The following LSAMP variants were observed in gnomAD, a reference collection of about 807,000 sequenced individuals.
LSAMP encodes limbic system associated membrane protein, also known as limbic system-associated membrane protein.
A neutral mutation model predicts 38.6 loss-of-function variants in LSAMP; 7 were observed. That is an observed-to-expected ratio of 0.18 (90% CI 0.10 to 0.34). LSAMP has a LOEUF of 0.34. Ranked by LOEUF, LSAMP falls within the 10% of genes least tolerant of loss-of-function variation. LSAMP has a pLI of 1.00. For synonymous variants in LSAMP, 154 were observed against 166.8 expected (o/e 0.92, Z 0.59); for missense variants, 313 against 420.0 (o/e 0.75, Z 2.23).
At chr3:116,119,948 C>T (rs570543934) in intron 1 of LSAMP, among the ~76,000 whole-genome samples, 15 of 152,114 alleles carry the variant, frequency 9.9e-5, no homozygotes, top group South Asian at 8.3e-4. Flanking sequence ...TGTGAGCCAC[C>T]GTGCCTGGCC....
At chr3:116,355,411 G>A (rs1337829988) in intron 1 of LSAMP, among the ~76,000 whole-genome samples, 1 of 152,118 alleles carries the variant, frequency 6.6e-6, no homozygotes, top group East Asian at 1.9e-4. Context: ...CTTGACACCT[G>A]TCTCTCACCA....
intron 1 of LSAMP, among the ~76,000 whole-genome samples, chr3:116,124,758 A>G (rs1359196932): frequency 6.6e-6 from 1 of 152,224 alleles, no homozygotes; most frequent in Non-Finnish European, 1.5e-5. Context: ...CAGCAATCAG[A>G]TTGCTGTAGA....
At chr3:116,233,633 C>A (rs535739277) in intron 1 of LSAMP, among the ~76,000 whole-genome samples, 2 of 151,986 alleles carry the variant, frequency 1.3e-5, no homozygotes, top group East Asian at 3.9e-4. Flanking sequence ...CCCTACTTCC[C>A]TTTCCAGCCT....
chr3:116,432,127 C>CA (rs1340920660), intron 1 of LSAMP, among the ~76,000 whole-genome samples: 6 of 151,746 alleles, frequency 4.0e-5, no homozygotes, highest in Non-Finnish European at 8.8e-5. Context: ...TGTGATGCCT[C>CA]TTATATATCG....
chr3:116,277,374 G>GT (rs34545044), intron 1 of LSAMP, among the ~76,000 whole-genome samples: 13,393 of 144,834 alleles, frequency 0.092, 1,315 homozygotes, highest in African/African-American at 0.25. Flanking sequence ...CTCATCTTGT[G>GT]TTTTTTTTTT....
At chr3:116,372,570 T>C (rs1431257327) in intron 1 of LSAMP, among the ~76,000 whole-genome samples, 3 of 151,898 alleles carry the variant, frequency 2.0e-5, no homozygotes, top group Admixed American at 6.6e-5. Context: ...AAGTTGAACT[T>C]TATAAAAGTT....
At chr3:116,293,260 C>T (rs1286961989) in intron 1 of LSAMP, among the ~76,000 whole-genome samples, 2 of 152,128 alleles carry the variant, frequency 1.3e-5, no homozygotes, top group Non-Finnish European at 2.9e-5. Flanking sequence ...TATCTGATAT[C>T]CATATAAGGA....
chr3:115,956,843 T>C (rs1359593287), intron 3 of LSAMP, among the ~76,000 whole-genome samples: 1 of 152,158 alleles, frequency 6.6e-6, no homozygotes, highest in Admixed American at 6.5e-5. Context: ...TGTTCAAGGG[T>C]TTCTTGGATT....
At chr3:116,204,513 T>C (rs1015043666) in intron 1 of LSAMP, among the ~76,000 whole-genome samples, 8 of 151,016 alleles carry the variant, frequency 5.3e-5, no homozygotes, top group Non-Finnish European at 1.0e-4. Flanking sequence ...TAGGTTTTCT[T>C]CTAGGGTTTT....
At chr3:115,916,237 G>C (rs1340381436) in intron 3 of LSAMP, among the ~76,000 whole-genome samples, 2 of 152,154 alleles carry the variant, frequency 1.3e-5, no homozygotes, top group African/African-American at 4.8e-5. Flanking sequence ...ATCAGCTGGG[G>C]TGTGAGCAGT....
chr3:116,441,900 C>T (rs1320860515), intron 1 of LSAMP, among the ~76,000 whole-genome samples: 6 of 152,206 alleles, frequency 3.9e-5, no homozygotes, highest in Admixed American at 3.3e-4. Context: ...TTCTTTGTCC[C>T]TGGGACAGAA....
intron 1 of LSAMP, among the ~76,000 whole-genome samples, chr3:116,352,273 C>T (rs2048151905): frequency 1.3e-5 from 2 of 152,006 alleles, no homozygotes; most frequent in South Asian, 2.1e-4. Context: ...TGGCAGCCAG[C>T]GGAGAGCAAA....
At chr3:116,406,904 C>A (rs777462610) in intron 1 of LSAMP, among the ~76,000 whole-genome samples, 3 of 151,388 alleles carry the variant, frequency 2.0e-5, no homozygotes, top group Admixed American at 2.0e-4. Flanking sequence ...AAAGAGAAAG[C>A]GCAAAGGAAG....
intron 3 of LSAMP, among the ~76,000 whole-genome samples, chr3:115,855,850 C>A (rs761947184): frequency 2.6e-5 from 4 of 152,110 alleles, no homozygotes; most frequent in Admixed American, 6.5e-5. Context: ...TCAGAGACAC[C>A]CCTGGGCCCT....
intron 1 of LSAMP, among the ~76,000 whole-genome samples, chr3:116,109,315 G>A (rs1427745445): frequency 6.6e-6 from 1 of 152,182 alleles, no homozygotes; most frequent in Non-Finnish European, 1.5e-5. Flanking sequence ...AGATTATAGG[G>A]TGGAGGAGCA....
At chr3:116,136,680 CTTA>C (rs1709254719) in intron 1 of LSAMP, among the ~76,000 whole-genome samples, 2 of 152,080 alleles carry the variant, frequency 1.3e-5, no homozygotes, top group African/African-American at 2.4e-5. Flanking sequence ...CACTTGTTCA[CTTA>C]TTATTTTCTC....
At chr3:116,143,337 T>G (rs368991485) in intron 1 of LSAMP, among the ~76,000 whole-genome samples, 2 of 151,818 alleles carry the variant, frequency 1.3e-5, no homozygotes, top group South Asian at 4.1e-4. Context: ...GACACTCTTA[T>G]GTTTTAAAAT....
intron 1 of LSAMP, among the ~76,000 whole-genome samples, chr3:116,234,666 C>G (rs888507631): frequency 6.6e-6 from 1 of 152,038 alleles, no homozygotes; most frequent in African/African-American, 2.4e-5. Context: ...ATAACTAAAA[C>G]AAGCCCTCTA....
chr3:116,117,567 C>G (rs1021685884), intron 1 of LSAMP, among the ~76,000 whole-genome samples: 2 of 152,114 alleles, frequency 1.3e-5, no homozygotes, highest in African/African-American at 4.8e-5. Context: ...TTCCAGGACC[C>G]CATCCAGTGT....
Sources: gnomAD v4.1 joint callset for allele counts (sites outside exome capture counted in the v4.1 genomes callset) on GRCh38, gnomAD v4.1.1 for gene constraint, MANE v1.5 for transcripts, NCBI Gene and HGNC (gene_info 2026-07-23, HGNC 2026-07-21) for gene names.